The following EDIL3 variants were observed in gnomAD, a reference collection of about 807,000 sequenced individuals.
The protein encoded by EDIL3 is EGF-like repeat and discoidin I-like domain-containing protein 3.
In EDIL3, 37 loss-of-function variants were observed where a neutral mutation model predicts 67.4. The observed-to-expected ratio is 0.55, with a 90% CI of 0.42 to 0.72. EDIL3 has a LOEUF of 0.72. EDIL3 is among the 30% of genes least tolerant of loss of function. EDIL3 has a pLI of 0.00. For synonymous variants in EDIL3, 195 were observed against 196.3 expected (o/e 0.99, Z 0.05); for missense variants, 527 against 586.3 (o/e 0.90, Z 1.04).
intron 9 of EDIL3, among the ~76,000 whole-genome samples, chr5:83,985,426 A>C (rs994394639): frequency 3.9e-5 from 6 of 152,062 alleles, no homozygotes; most frequent in African/African-American, 1.4e-4. Flanking sequence ...AAGTGTTTAC[A>C]CTTAATATTT....
intron 1 of EDIL3, among the ~76,000 whole-genome samples, chr5:84,324,253 T>C (rs188042933): frequency 1.7e-4 from 26 of 151,718 alleles, no homozygotes; most frequent in African/African-American, 6.3e-4. Flanking sequence ...TAAAAATAAA[T>C]AACAAGAAGG....
At chr5:83,963,441 A>C in intron 9 of EDIL3, 81 bp from the exon 10 acceptor site, 1 of 1,404,678 alleles carries the variant, frequency 7.1e-7, no homozygotes, top group Middle Eastern at 2.6e-4. Flanking sequence ...AAGAGAATAA[A>C]ACTATATATA....
At chr5:84,294,384 CAAAAAAAAA>C (rs1173407354) in intron 1 of EDIL3, among the ~76,000 whole-genome samples, 1 of 31,808 alleles carries the variant, frequency 3.1e-5, no homozygotes, top group African/African-American at 9.3e-5. Flanking sequence ...GACTCTGTCT[CAAAAAAAAA>C]AAAAAAAAAA....
intron 1 of EDIL3, among the ~76,000 whole-genome samples, chr5:84,355,567 G>A (rs900217466): frequency 2.0e-5 from 3 of 152,054 alleles, no homozygotes; most frequent in Non-Finnish European, 2.9e-5. Flanking sequence ...GCTGGAGTTT[G>A]CTGGAGGTCC....
intron 4 of EDIL3, among the ~76,000 whole-genome samples, chr5:84,143,839 C>T (rs147803877): frequency 1.5e-3 from 229 of 152,094 alleles, no homozygotes; most frequent in African/African-American, 5.2e-3. Flanking sequence ...AGGGATGTTA[C>T]CTCAGTGGCA....
At position 84,278,109 on chromosome 5, in the gene EDIL3, C is replaced by T. The variant is rs150431235; in HGVS notation, c.68-23897G>A. 4.9e-3 allele frequency among the ~76,000 whole-genome samples: 747 copies of T among 152,042 alleles called. 6 individuals are homozygous for T. Among genetic ancestry groups the T allele is most frequent in the African/African-American group, 0.015 (622 of 41,460 alleles). ...TCTATTTTATAAATGGAAAGTTAGA[C>T]GCAAACAGACAAAAAGGCAAATGTC... is the stretch of plus-strand genomic sequence containing the variant. On this transcript the variant is annotated intron_variant, in intron 1 of 10. Transcript: ENST00000296591.
At chr5:84,101,949 C>T (rs775126745) in intron 6 of EDIL3, among the ~76,000 whole-genome samples, 1 of 152,018 alleles carries the variant, frequency 6.6e-6, no homozygotes, top group Non-Finnish European at 1.5e-5. Context: ...AATCCAATAG[C>T]ACAACTAAAA....
chr5:84,265,208 G>T (rs543157117), intron 1 of EDIL3, among the ~76,000 whole-genome samples: 109 of 152,310 alleles, frequency 7.2e-4, no homozygotes, highest in Admixed American at 2.1e-3. Context: ...TAAGACAGCA[G>T]TAGAATGTCT....
chr5:84,102,637 G>C (rs969891151), intron 6 of EDIL3, among the ~76,000 whole-genome samples: 1 of 150,284 alleles, frequency 6.7e-6, no homozygotes, highest in East Asian at 2.0e-4. Flanking sequence ...AAAAAAAAAC[G>C]AAAAAACCCT....
At chr5:84,092,652 AAAAT>A (rs1448707638) in intron 6 of EDIL3, among the ~76,000 whole-genome samples, 2 of 152,296 alleles carry the variant, frequency 1.3e-5, no homozygotes, top group East Asian at 1.9e-4. Flanking sequence ...CTTCTTTTCT[AAAAT>A]AAGTTAATCT....
intron 1 of EDIL3, among the ~76,000 whole-genome samples, chr5:84,264,505 G>A (rs1037153677): frequency 4.6e-5 from 7 of 152,164 alleles, no homozygotes; most frequent in Admixed American, 1.3e-4. Flanking sequence ...GTGCAGGCAC[G>A]CAGCAGATGA....
intron 9 of EDIL3, among the ~76,000 whole-genome samples, chr5:83,978,589 A>C (rs1744912928): frequency 6.6e-6 from 1 of 151,946 alleles, no homozygotes; most frequent in African/African-American, 2.4e-5. Context: ...ATTGCCGCCT[A>C]AGATTAACCC....
intron 1 of EDIL3, among the ~76,000 whole-genome samples, chr5:84,278,027 G>A (rs1400589721): frequency 6.6e-6 from 1 of 152,130 alleles, no homozygotes; most frequent in African/African-American, 2.4e-5. Context: ...AAGTGGTTAT[G>A]TAAATATCTT....
rs59032948 is a variant in EDIL3 at position 84,296,025 on chromosome 5, G to A, written c.68-41813C>T. ...GCTTTGATTTCTGCATTGGCAAAAT[G>A]GGGATAATTAGAGTTACTATCTCTA... On this transcript the variant is annotated intron_variant, in intron 1 of 10. Coordinates refer to ENST00000296591, the MANE Select transcript of EDIL3 (RefSeq NM_005711.5). Among the ~76,000 whole-genome samples the A allele has an allele frequency of 4.6e-3, 703 of 152,268 alleles. 4 individuals are homozygous for A. Among genetic ancestry groups the A allele is most frequent in the African/African-American group, 0.016 (671 of 41,538 alleles).
intron 5 of EDIL3, among the ~76,000 whole-genome samples, chr5:84,136,340 C>A (rs1204978105): frequency 6.6e-6 from 1 of 152,174 alleles, no homozygotes; most frequent in Non-Finnish European, 1.5e-5. Context: ...TACATCGAAG[C>A]AGTAGCAGTA....
At chr5:84,078,539 C>A (rs1370951043) in intron 6 of EDIL3, 1 of 152,116 alleles carries the variant, frequency 6.6e-6, no homozygotes, top group Non-Finnish European at 1.5e-5. Context: ...TACACATCAG[C>A]TACTAGGTTG....
chr5:84,040,891 G>T (rs1317496323), intron 9 of EDIL3, among the ~76,000 whole-genome samples: 1 of 152,136 alleles, frequency 6.6e-6, no homozygotes, highest in Non-Finnish European at 1.5e-5. Flanking sequence ...CAACACTTTG[G>T]GAGGCCAAGG....
At chr5:84,075,807 C>CAACCATAT (rs1746842611) in intron 6 of EDIL3, among the ~76,000 whole-genome samples, 1 of 151,790 alleles carries the variant, frequency 6.6e-6, no homozygotes, top group African/African-American at 2.4e-5. Context: ...CACTAGTTCT[C>CAACCATAT]AACCATATGG....
At chr5:84,240,066 T>A (rs1437039686) in intron 2 of EDIL3, among the ~76,000 whole-genome samples, 3 of 152,212 alleles carry the variant, frequency 2.0e-5, no homozygotes, top group Non-Finnish European at 4.4e-5. Flanking sequence ...AAATTCTAGA[T>A]TAAAACTTAG....
Sources: allele counts gnomAD v4.1 joint callset (sites outside exome capture counted in the v4.1 genomes callset), GRCh38; gene constraint gnomAD v4.1.1; transcripts MANE v1.5; gene names NCBI Gene and HGNC (gene_info 2026-07-23, HGNC 2026-07-21).